The following DACH1 variants were observed in gnomAD, a reference collection of about 807,000 sequenced individuals.
DACH1 encodes dachshund homolog 1.
In DACH1, 12 loss-of-function variants were observed where a neutral mutation model predicts 54.2. That is an observed-to-expected ratio of 0.22 (90% CI 0.14 to 0.36). DACH1 has a LOEUF of 0.36. DACH1 is among the 10% of genes least tolerant of loss of function. DACH1 has a pLI of 1.00. For missense variants in DACH1, 805 were observed against 929.8 expected, an observed-to-expected ratio of 0.87 and a Z score of 1.75; for synonymous variants, 386 against 366.2, an observed-to-expected ratio of 1.05 and a Z score of -0.62.
intron 10 of DACH1, among the ~76,000 whole-genome samples, chr13:71,462,736 T>A (rs1034215539): frequency 5.9e-5 from 9 of 151,964 alleles, no homozygotes; most frequent in Non-Finnish European, 1.3e-4. Flanking sequence ...GTTATTATCA[T>A]CTTTGTTTTA....
chr13:71,642,663 G>A (rs186701386), intron 2 of DACH1, among the ~76,000 whole-genome samples: 71 of 152,236 alleles, frequency 4.7e-4, no homozygotes, highest in African/African-American at 1.5e-3. Flanking sequence ...AAACACTGCT[G>A]TTATCTACAA....
chr13:71,681,580 A>G (rs1310497847), intron 2 of DACH1, among the ~76,000 whole-genome samples: 3 of 152,216 alleles, frequency 2.0e-5, no homozygotes, highest in Non-Finnish European at 2.9e-5. Flanking sequence ...AATAATTTCT[A>G]GCACTGTGCT....
At chr13:71,606,717 T>C (rs1210700948) in intron 3 of DACH1, among the ~76,000 whole-genome samples, 2 of 152,028 alleles carry the variant, frequency 1.3e-5, no homozygotes, top group East Asian at 3.8e-4. Flanking sequence ...AATATGAACA[T>C]AGTGAGACAC....
At chr13:71,734,843 A>G (rs1415248795) in intron 1 of DACH1, among the ~76,000 whole-genome samples, 2 of 143,722 alleles carry the variant, frequency 1.4e-5, no homozygotes, top group South Asian at 2.2e-4. Context: ...TATACCCCAT[A>G]TATATGTATA....
chr13:71,847,383 T>C (rs1001300501), intron 1 of DACH1, among the ~76,000 whole-genome samples: 3 of 152,180 alleles, frequency 2.0e-5, no homozygotes, highest in Non-Finnish European at 4.4e-5. Context: ...TCTATTGCAT[T>C]TATAATGGGT....
chr13:71,670,469 C>G (rs1226033840), intron 2 of DACH1, among the ~76,000 whole-genome samples: 1 of 151,954 alleles, frequency 6.6e-6, no homozygotes, highest in African/African-American at 2.4e-5. Flanking sequence ...ATTTTATATC[C>G]CTAAAACTTA....
chr13:71,551,164 ATAATT>A (rs1388918445), intron 6 of DACH1, among the ~76,000 whole-genome samples: 1 of 152,104 alleles, frequency 6.6e-6, no homozygotes, highest in East Asian at 1.9e-4. Flanking sequence ...TTGTTTACTT[ATAATT>A]TAATTTTTTA....
intron 3 of DACH1, among the ~76,000 whole-genome samples, chr13:71,598,006 G>A (rs559173750): frequency 1.3e-5 from 2 of 151,368 alleles, no homozygotes; most frequent in South Asian, 4.2e-4. Context: ...CTTGAGCCTG[G>A]GAGGCAGAGG....
chr13:71,724,602 G>A (rs901696321), intron 1 of DACH1, among the ~76,000 whole-genome samples: 3 of 151,886 alleles, frequency 2.0e-5, no homozygotes, highest in Non-Finnish European at 2.9e-5. Context: ...TTTATACACA[G>A]CAAAGTAGAT....
At chr13:71,826,034 A>G (rs1888364635) in intron 1 of DACH1, among the ~76,000 whole-genome samples, 1 of 152,130 alleles carries the variant, frequency 6.6e-6, no homozygotes, top group Non-Finnish European at 1.5e-5. Context: ...TGCCTTTGGC[A>G]TATCAATCCT....
chr13:71,785,163 G>T (rs1320330507), intron 1 of DACH1, among the ~76,000 whole-genome samples: 1 of 151,990 alleles, frequency 6.6e-6, no homozygotes, highest in Non-Finnish European at 1.5e-5. Context: ...TCCTGAATTC[G>T]CCAGGTTAAA....
chr13:71,828,148 A>G (rs771683102), intron 1 of DACH1, among the ~76,000 whole-genome samples: 11 of 152,028 alleles, frequency 7.2e-5, no homozygotes, highest in Non-Finnish European at 1.5e-4. Flanking sequence ...AACAAGATTT[A>G]TATATAAATT....
intron 3 of DACH1, among the ~76,000 whole-genome samples, chr13:71,602,019 T>C (rs1874531824): frequency 6.6e-6 from 1 of 152,026 alleles, no homozygotes; most frequent in African/African-American, 2.4e-5. Flanking sequence ...TACCCTTGGC[T>C]CATGCAAATA....
At chr13:71,762,768 C>CA (rs34543654) in intron 1 of DACH1, among the ~76,000 whole-genome samples, 30,909 of 71,318 alleles carry the variant, frequency 0.43, 7,261 homozygotes, top group Middle Eastern at 0.54. Context: ...AACTTTGTCT[C>CA]AAAAAAAAAA....
chr13:71,458,174 T>G (rs1254110352), intron 10 of DACH1, among the ~76,000 whole-genome samples: 1 of 151,962 alleles, frequency 6.6e-6, no homozygotes, highest in Non-Finnish European at 1.5e-5. Context: ...ATTTAGAATT[T>G]ACTATATTGA....
At chr13:71,611,072 C>T (rs1201898970) in intron 3 of DACH1, among the ~76,000 whole-genome samples, 1 of 152,074 alleles carries the variant, frequency 6.6e-6, no homozygotes, top group Non-Finnish European at 1.5e-5. Context: ...ATGGCTCAGG[C>T]AGTGTATAAG....
chr13:71,450,045 T>A (rs938349965), intron 10 of DACH1, among the ~76,000 whole-genome samples: 1 of 152,122 alleles, frequency 6.6e-6, no homozygotes, highest in East Asian at 1.9e-4. Context: ...GTTGTGCACA[T>A]GTACCCTAAA....
chr13:71,781,931 C>A (rs933192720), intron 1 of DACH1, among the ~76,000 whole-genome samples: 3 of 152,150 alleles, frequency 2.0e-5, no homozygotes, highest in South Asian at 2.1e-4. Context: ...TGGATCAGAT[C>A]ATCCCATCTT....
At chr13:71,709,070 G>A (rs2138772824) in intron 1 of DACH1, among the ~76,000 whole-genome samples, 1 of 151,856 alleles carries the variant, frequency 6.6e-6, no homozygotes, top group East Asian at 1.9e-4. Context: ...AGCCAGGATG[G>A]TCTCGATCTC....
Sources: allele counts gnomAD v4.1 joint callset (sites outside exome capture counted in the v4.1 genomes callset), GRCh38; gene constraint gnomAD v4.1.1; transcripts MANE v1.5; gene names NCBI Gene and HGNC (gene_info 2026-07-23, HGNC 2026-07-21).